IGFBP3: variants seen among roughly 807,000 people sequenced by gnomAD.
The protein encoded by IGFBP3 is insulin-like growth factor-binding protein 3.
A neutral mutation model predicts 28.6 loss-of-function variants in IGFBP3; 9 were observed. The observed-to-expected ratio is 0.31, with a 90% confidence interval of 0.19 to 0.55. The LOEUF (loss-of-function observed/expected upper bound fraction) is 0.55. IGFBP3 is among the 20% of genes least tolerant of loss of function. The pLI, the probability that IGFBP3 is intolerant of heterozygous loss-of-function variation, is 0.93. For missense variants in IGFBP3, 382 were observed against 428.9 expected (o/e 0.89, Z 0.97); for synonymous variants, 185 against 188.2 (o/e 0.98, Z 0.14).
chr7:45,912,481 A>C lies in IGFBP3; in HGVS notation c.*1369T>G, dbSNP rs529224094. ...TAATAGGTAGGCAGAATGTCTTGAG[A>C]CCCCTCTGTTTTCAAGGAGAGCTCT... On this transcript the variant is annotated 3_prime_UTR_variant, in exon 5 of 5. Transcript: ENST00000613132. 1 of 152,288 alleles carries C rather than the reference A, an allele frequency of 6.6e-6. No individual in the cohort carries two copies. Among genetic ancestry groups the C allele is most frequent in the South Asian group, 2.1e-4 (1 of 4,808 alleles). 9.4% of individuals were successfully genotyped at this position (152,288 alleles called of 1,614,324 possible).
At chr7:45,914,619 A>G in intron 4 of IGFBP3, 186 bp downstream of exon 4, 1 of 522,090 alleles carries the variant, frequency 1.9e-6, no homozygotes, top group South Asian at 2.4e-5. Context: ...GGTTGGGTTG[A>G]TGGGGTCTCC....
At chr7:45,914,695 C>T in intron 4 of IGFBP3, 110 bp downstream of exon 4, 2 of 1,057,122 alleles carry the variant, frequency 1.9e-6, no homozygotes, top group Non-Finnish European at 2.8e-6. Flanking sequence ...TGAGCTGCAG[C>T]TCCTGGGTCT....
At chr7:45,918,636 A>C (rs1441327193) in intron 1 of IGFBP3, among the ~76,000 whole-genome samples, 1 of 152,190 alleles carries the variant, frequency 6.6e-6, no homozygotes, top group Non-Finnish European at 1.5e-5. Flanking sequence ...ATAATGTGTA[A>C]CCCTAGCAGG....
In IGFBP3 at chr7:45,917,961, GACCAGT is replaced by G. The variant is rs1321889419; in HGVS notation, c.404-528_404-523del. ...AAGCCCTTATGGGAATTCCAAGGTT[GACCAGT>G]ACCGTCCTCAATGCTACCAGGTAAA... On this transcript the variant is annotated intron_variant, in intron 1 of 4. Transcript: ENST00000613132. 2.6e-5 allele frequency among the ~76,000 whole-genome samples: 4 copies of G among 152,334 alleles called. No individual in the cohort carries two copies. In the East Asian group the frequency reaches 5.8e-4, roughly 22 times the overall value.
chr7:45,915,872 G>A (rs1286930319), intron 3 of IGFBP3, among the ~76,000 whole-genome samples: 1 of 152,202 alleles, frequency 6.6e-6, no homozygotes, highest in Non-Finnish European at 1.5e-5. Flanking sequence ...CATGGACCGA[G>A]TGTCTGATTT....
At chr7:45,920,134 C>T (rs767168164) in intron 1 of IGFBP3, 1 of 152,066 alleles carries the variant, frequency 6.6e-6, no homozygotes, top group Non-Finnish European at 1.5e-5. Flanking sequence ...CTGTTGTGGC[C>T]GCTGGGTAAC....
intron 3 of IGFBP3, 118 bp downstream of exon 3, chr7:45,916,430 C>G: frequency 1.0e-6 from 1 of 991,036 alleles, no homozygotes; most frequent in Non-Finnish European, 1.5e-6. Context: ...GTCCTGGGCA[C>G]TGGTGCTGCA....
chr7:45,917,559 T>C, intron 1 of IGFBP3, 120 bp from the exon 2 acceptor site: 1 of 700,938 alleles, frequency 1.4e-6, no homozygotes. Context: ...GCAATCCAAG[T>C]GAGTTTTTTT....
At chr7:45,920,493 C>G in intron 1 of IGFBP3, 1 of 395,608 alleles carries the variant, frequency 2.5e-6, no homozygotes, top group South Asian at 1.2e-4. Flanking sequence ...AACCCATTTT[C>G]ACTGAAAGCG....
In IGFBP3 at chr7:45,917,244, A is replaced by G; in HGVS notation, c.599T>C (p.Phe200Ser). The change falls in exon 2 of 5, where the codon TTC becomes TCC. Residue 200 changes from phenylalanine (F) to serine (S), a missense_variant. Transcript: ENST00000613132. ...TGTCTCCCGCTTGGACTCGGAGGAG[A>G]AGTTCTGGGTATCTGTGCTCTGAGA... ...YESQSTDTQN[F>S]SSESKRETEY... 1 of 1,613,834 alleles carries G rather than the reference A, an allele frequency of 6.2e-7. No individual in the cohort carries two copies. The highest frequency in any genetic ancestry group is 1.1e-5 in the South Asian group (1 of 91,070).
chr7:45,914,886 C>A lies in IGFBP3; in HGVS notation c.810G>T (p.Gln270His), dbSNP rs1338405595. The A allele has an allele frequency of 2.5e-6, 4 of 1,614,114 alleles. No homozygotes were observed. Among genetic ancestry groups the A allele is most frequent in the Non-Finnish European group, 3.4e-6 (4 of 1,179,984 alleles). The change falls in exon 4 of 5, where the codon CAG becomes CAT. Residue 270 changes from glutamine to histidine, a missense_variant. By Grantham distance (24) the Gln-to-His change is conservative. Coordinates refer to ENST00000613132, the MANE Select transcript of IGFBP3 (RefSeq NM_000598.5). ...GFCWCVDKYG[Q>H]PLPGYTTKGK... ...CCTTGGTGGTGTAGCCTGGGAGAGG[C>A]TGCCCATACTTATCCACACACCAGC...
intron 4 of IGFBP3, 111 bp downstream of exon 4, chr7:45,914,694 G>C: frequency 1.9e-6 from 2 of 1,047,810 alleles, no homozygotes; most frequent in Non-Finnish European, 2.8e-6. Flanking sequence ...CTGAGCTGCA[G>C]CTCCTGGGTC....
chr7:45,920,193 A>G (rs1784665102), intron 1 of IGFBP3: 1 of 152,582 alleles, frequency 6.6e-6, no homozygotes, highest in Admixed American at 6.5e-5. Flanking sequence ...ACCGCAGAAG[A>G]TATCAAAACC....
intron 3 of IGFBP3, chr7:45,915,215 G>T: frequency 2.5e-6 from 1 of 397,334 alleles, no homozygotes; most frequent in Non-Finnish European, 4.7e-6. Flanking sequence ...ACCAGCCCTT[G>T]TAGAACCTCT....
chr7:45,917,178 T>C (rs1784618971), intron 2 of IGFBP3, 35 bp downstream of exon 2: 2 of 1,544,176 alleles, frequency 1.3e-6, no homozygotes, highest in African/African-American at 2.7e-5. Context: ...TGGCAGGTCT[T>C]GCCCTCCTCC....
chr7:45,917,239 A>T lies in IGFBP3; in HGVS notation c.604T>A (p.Ser202Thr). 6.2e-7 allele frequency: 1 copy of T among 1,613,802 alleles called. No individual in the cohort carries two copies. The highest frequency in any genetic ancestry group is 8.5e-7 in the Non-Finnish European group (1 of 1,179,800). Residue 202 changes from serine to threonine, a missense_variant, in exon 2 of 5, where the codon TCC becomes ACC. Transcript: ENST00000613132. ...TATTCTGTCTCCCGCTTGGACTCGG[A>T]GGAGAAGTTCTGGGTATCTGTGCTC... ...SQSTDTQNFS[S>T]ESKRETEYGP...
At chr7:45,916,759 A>C in intron 2 of IGFBP3, 92 bp from the exon 3 acceptor site, 1 of 1,395,202 alleles carries the variant, frequency 7.2e-7, no homozygotes, top group Non-Finnish European at 1.0e-6. Context: ...CAACTACCAA[A>C]AGTGGGACCT....
At position 45,914,872 on chromosome 7, in the gene IGFBP3, T is replaced by C; in HGVS notation, c.824A>G (p.Tyr275Cys). 6.2e-7 allele frequency: 1 copy of C among 1,614,102 alleles called. No individual in the cohort carries two copies. Among genetic ancestry groups the C allele is most frequent in the Non-Finnish European group, 8.5e-7 (1 of 1,179,946 alleles). Residue 275 changes from tyrosine (Y) to cysteine (C), a missense_variant, in exon 4 of 5, where the codon TAC (tyrosine) becomes TGC (cysteine). Coordinates refer to ENST00000613132, the MANE Select transcript of IGFBP3 (RefSeq NM_000598.5). ...VDKYGQPLPG[Y>C]TTKGKEDVHC... ...CACGTCCTCCTTCCCCTTGGTGGTG[T>C]AGCCTGGGAGAGGCTGCCCATACTT...
Position 45,912,777 on chromosome 7 carries a change from A to C in IGFBP3, c.*1073T>G, listed in dbSNP as rs973219572. The C allele has an allele frequency of 5.2e-5, 8 of 152,668 alleles. No individual in the cohort carries two copies. Among genetic ancestry groups the C allele is most frequent in the Admixed American group, 2.0e-4 (3 of 15,286 alleles). 9.5% of individuals were successfully genotyped at this position (152,668 alleles called of 1,614,324 possible). A position where few individuals can be genotyped will look rare whatever the true frequency, so the allele number is the denominator to read the frequency against. ...TGCATATATGTGTGAATTATAAAGAAAAGCATGAGAATGACTCTAAGTTCA... is the reference window on the plus strand; with the variant it reads ...TGCATATATGTGTGAATTATAAAGACAAGCATGAGAATGACTCTAAGTTCA... On this transcript the variant is annotated 3_prime_UTR_variant, in exon 5 of 5. Coordinates refer to ENST00000613132, the MANE Select transcript of IGFBP3 (RefSeq NM_000598.5).
Sources: allele counts gnomAD v4.1 joint callset (sites outside exome capture counted in the v4.1 genomes callset), GRCh38; gene constraint gnomAD v4.1.1; transcripts MANE v1.5; gene names NCBI Gene and HGNC (gene_info 2026-07-23, HGNC 2026-07-21).